The following TTC17 variants were observed in gnomAD, a reference collection of about 807,000 sequenced individuals.
TTC17 encodes the protein tetratricopeptide repeat domain 17.
In TTC17, 58 loss-of-function variants were observed where a neutral mutation model predicts 143.8. The observed-to-expected ratio is 0.40, with a 90% CI of 0.33 to 0.50. The LOEUF (loss-of-function observed/expected upper bound fraction) is 0.50. Ranked by LOEUF, TTC17 falls within the 20% of genes least tolerant of loss-of-function variation. The pLI is 0.49. For synonymous variants in TTC17, 501 were observed against 497.8 expected (o/e 1.01, Z -0.09); for missense variants, 1,273 against 1,392.5 (o/e 0.91, Z 1.37).
In TTC17 at chr11:43,450,261, C is replaced by G; in HGVS notation, c.2946+20C>G. 6.2e-7 allele frequency: 1 copy of G among 1,601,960 alleles called. No individual in the cohort carries two copies. Among genetic ancestry groups the G allele is most frequent in the Non-Finnish European group, 8.5e-7 (1 of 1,173,826 alleles). On this transcript the variant is annotated intron_variant, in intron 20 of 23. Coordinates refer to ENST00000039989, the MANE Select transcript of TTC17 (RefSeq NM_018259.6). The stretch of plus-strand genomic sequence containing the variant: ...ACAGAGGTGAGTGCTCGGCTTTGTT[C>G]AGGCTGTTTTTTAGCCTCACAGTTA...
chr11:43,414,513 C>T, intron 15 of TTC17, 77 bp from the exon 16 acceptor site: 1 of 1,472,766 alleles, frequency 6.8e-7, no homozygotes, highest in East Asian at 2.3e-5. Flanking sequence ...GAGCCAAAAG[C>T]CATATACTGT....
At position 43,443,652 on chromosome 11, in the gene TTC17, GT is replaced by G. The variant is rs1947474291; in HGVS notation, c.2511+69del. 2.6e-6 allele frequency: 4 copies of G among 1,534,678 alleles called. No homozygotes were observed. The South Asian group carries it at 5.2e-5, about 20-fold the overall frequency. ...CTTTCAGGGGATCCTAATATGCAAA[GT>G]GGGAAGTTTCTGTTGGATATGTGGC... On this transcript the variant is annotated intron_variant, in intron 17 of 23. Coordinates refer to ENST00000039989, the MANE Select transcript of TTC17 (RefSeq NM_018259.6).
chr11:43,367,061 A>G (rs1856373344), intron 1 of TTC17, among the ~76,000 whole-genome samples: 1 of 152,172 alleles, frequency 6.6e-6, no homozygotes, highest in African/African-American at 2.4e-5. Context: ...TGTTGGGCCT[A>G]CCTACTTAGG....
intron 18 of TTC17, among the ~76,000 whole-genome samples, chr11:43,444,739 A>ACACC (rs917038382): frequency 2.0e-5 from 3 of 151,698 alleles, no homozygotes; most frequent in African/African-American, 7.3e-5. Flanking sequence ...ACACACACAC[A>ACACC]CACACACACA....
intron 5 of TTC17, among the ~76,000 whole-genome samples, chr11:43,393,610 C>T (rs767013602): frequency 3.3e-5 from 5 of 152,162 alleles, no homozygotes; most frequent in East Asian, 3.8e-4. Context: ...CTCCCCTCCC[C>T]GAAGGACAGG....
chr11:43,430,526 G>T (rs1031258711), intron 16 of TTC17, among the ~76,000 whole-genome samples: 1 of 152,042 alleles, frequency 6.6e-6, no homozygotes, highest in East Asian at 1.9e-4. Context: ...ATATTGTAAG[G>T]CAGTCTGTCT....
At chr11:43,391,779 A>G in intron 4 of TTC17, 42 bp from the exon 5 acceptor site, 5 of 1,595,486 alleles carry the variant, frequency 3.1e-6, no homozygotes, top group Non-Finnish European at 4.3e-6. Context: ...GTCATCTTTT[A>G]TATCCTTTGA....
rs769930008 is a variant in TTC17 at position 43,429,732 on chromosome 11, A to C, written c.2252-13593A>C. Among the ~76,000 whole-genome samples, 182 of 152,242 alleles carry C rather than the reference A, an allele frequency of 1.2e-3. 2 individuals carry two copies. The highest frequency in any genetic ancestry group is 6.3e-4 in the Non-Finnish European group (43 of 68,046). On this transcript the variant is annotated intron_variant, in intron 16 of 23. Coordinates refer to ENST00000039989, the MANE Select transcript of TTC17 (RefSeq NM_018259.6). The stretch of plus-strand genomic sequence containing the variant: ...TTTAAAACTGCATAATTTTGAGTGC[A>C]GTTGGGTAGAAAGGTAAGGAGAAAA...
Position 43,493,919 on chromosome 11 carries a change from CTCTCTT to C in TTC17, c.*23_*28del. ...GCTCTCCTTAGTGCACTTCTTCCTT[CTCTCTT>C]TCTCTTTACTCATGCTCTAAAAAAA... On this transcript the variant is annotated 3_prime_UTR_variant, in exon 24 of 24. Transcript: ENST00000039989. The C allele has an allele frequency of 6.4e-7, 1 of 1,560,194 alleles. No individual in the cohort carries two copies. Among genetic ancestry groups the C allele is most frequent in the Middle Eastern group, 1.7e-4 (1 of 5,812 alleles).
chr11:43,466,173 A>G (rs369124419), intron 21 of TTC17, among the ~76,000 whole-genome samples: 10 of 152,362 alleles, frequency 6.6e-5, no homozygotes, highest in African/African-American at 1.7e-4. Flanking sequence ...AGCATATGCA[A>G]ATATGCTCAA....
intron 21 of TTC17, among the ~76,000 whole-genome samples, chr11:43,462,921 C>CTTT (rs562594929): frequency 4.2e-5 from 5 of 117,720 alleles, no homozygotes; most frequent in South Asian, 5.0e-4. Flanking sequence ...TGACAAAATT[C>CTTT]TTTTTTTTTT....
chr11:43,451,135 C>T lies in TTC17; in HGVS notation c.2947-47C>T, dbSNP rs775300467. On this transcript the variant is annotated intron_variant, in intron 20 of 23. Coordinates refer to ENST00000039989, the MANE Select transcript of TTC17 (RefSeq NM_018259.6). ...TCAGCATTAGCAGTATCATCTAGAT[C>T]CTGCATCGTTTTCATTCTTCTAATC... 13 of 1,562,816 alleles carry T rather than the reference C, an allele frequency of 8.3e-6. No individual in the cohort carries two copies. In the African/African-American group the frequency reaches 1.8e-4, roughly 21 times the overall value.
rs35185017 is a variant in TTC17 at position 43,435,077 on chromosome 11, TGATAGATAGATAGATAGATA to T, written c.2252-8212_2252-8193del. 3.7e-4 allele frequency: 54 copies of T among 144,508 alleles called. No individual in the cohort carries two copies. In the East Asian group the frequency reaches 5.4e-3, roughly 14 times the overall value. 9.0% of individuals were successfully genotyped at this position (144,508 alleles called of 1,614,324 possible). A position where few individuals can be genotyped will look rare whatever the true frequency, so the allele number is the denominator to read the frequency against. On this transcript the variant is annotated intron_variant, in intron 16 of 23. Coordinates refer to ENST00000039989, the MANE Select transcript of TTC17 (RefSeq NM_018259.6). ...GGTGAATCTGTACACACAGATAAGA[TGATAGATAGATAGATAGATA>T]GATAGATAGATAGATAGATAGATAG...
intron 10 of TTC17, among the ~76,000 whole-genome samples, chr11:43,402,883 G>A (rs1857932900): frequency 6.6e-6 from 1 of 152,104 alleles, no homozygotes; most frequent in Non-Finnish European, 1.5e-5. Context: ...GATTAGGAGA[G>A]CATCTATAGG....
At chr11:43,371,023 T>TG (rs11332875) in intron 1 of TTC17, among the ~76,000 whole-genome samples, 2,013 of 108,544 alleles carry the variant, frequency 0.019, 21 homozygotes, top group South Asian at 0.039. Flanking sequence ...GGAGGGGAGG[T>TG]GGGGGGGGGG....
intron 8 of TTC17, among the ~76,000 whole-genome samples, chr11:43,398,995 C>G (rs1169643085): frequency 1.3e-5 from 2 of 152,118 alleles, no homozygotes; most frequent in African/African-American, 4.8e-5. Flanking sequence ...TGTATAGTTC[C>G]TAAAATCTCT....
chr11:43,486,552 T>A (rs1015690624), intron 21 of TTC17: 1 of 287,512 alleles, frequency 3.5e-6, no homozygotes, highest in Non-Finnish European at 7.6e-6. Flanking sequence ...TAGAACTATG[T>A]TTAAAAGGTG....
At chr11:43,385,337 C>A (rs1409214566) in intron 2 of TTC17, among the ~76,000 whole-genome samples, 2 of 152,118 alleles carry the variant, frequency 1.3e-5, no homozygotes, top group African/African-American at 4.8e-5. Context: ...AAATAATTTA[C>A]AAAGTTTTGT....
At chr11:43,390,742 AC>A (rs1857353652) in intron 3 of TTC17, among the ~76,000 whole-genome samples, 1 of 152,100 alleles carries the variant, frequency 6.6e-6, no homozygotes, top group African/African-American at 2.4e-5. Flanking sequence ...TGGCCAATAA[AC>A]ATGGAAAAAA....
Sources: allele counts gnomAD v4.1 joint callset (sites outside exome capture counted in the v4.1 genomes callset), GRCh38; gene constraint gnomAD v4.1.1; transcripts MANE v1.5; gene names NCBI Gene and HGNC (gene_info 2026-07-23, HGNC 2026-07-21).